ABHD18: variants seen among roughly 807,000 people sequenced by gnomAD.
The protein encoded by ABHD18 is abhydrolase domain containing 18.
In ABHD18, 55 loss-of-function variants were observed where a neutral mutation model predicts 65.9. The ratio of observed to expected loss-of-function variants is 0.84; its 90% CI spans 0.67 to 1.05. The LOEUF (loss-of-function observed/expected upper bound fraction) is 1.05, where lower values mean the gene tolerates loss of function less well. Ranked by LOEUF, ABHD18 falls within the 50% of genes least tolerant of loss-of-function variation. The probability of loss-of-function intolerance (pLI) is 0.00; values close to 1 mark genes in which losing one functional copy is unlikely to be tolerated. For missense variants in ABHD18, 533 were observed against 558.5 expected (o/e 0.95, Z 0.46); for synonymous variants, 181 against 180.2 (o/e 1.00, Z -0.04).
Position 128,028,603 on chromosome 4 carries a change from A to G in ABHD18, c.930A>G (p.Lys310=), listed in dbSNP as rs1560933988. ...LDISNQVVSQ[K]PADCHNSSKT... ...TATCAAACCAAGTTGTATCCCAAAA[A>G]CCTGCTGACTGCCATAATTCTAGCA... Residue 310 remains lysine, a synonymous_variant, in exon 11 of 13, where the codon AAA becomes AAG. Transcript: ENST00000645843. 2.5e-6 allele frequency: 4 copies of G among 1,613,884 alleles called. No homozygotes were observed. In the South Asian group the frequency reaches 4.4e-5, roughly 18 times the overall value.
intron 10 of ABHD18, among the ~76,000 whole-genome samples, chr4:128,027,484 C>T (rs1757548943): frequency 6.6e-6 from 1 of 151,958 alleles, no homozygotes; most frequent in South Asian, 2.1e-4. Context: ...CAGGTCACTG[C>T]AACCACTGCC....
At position 128,000,306 on chromosome 4, in the gene ABHD18, T is replaced by C. The variant is rs114256359; in HGVS notation, c.279-8614T>C. Among the ~76,000 whole-genome samples, 1,149 of 152,324 alleles carry C rather than the reference T, an allele frequency of 7.5e-3. 22 individuals are homozygous for C. The highest frequency in any genetic ancestry group is 0.026 in the African/African-American group (1,082 of 41,556). ...ATCTTGAGTTAATTTTTGTTTATGG[T>C]GAAAGGAATGGGTCCAATTTCAATC... On this transcript the variant is annotated intron_variant, in intron 4 of 12. Coordinates refer to ENST00000645843, the MANE Select transcript of ABHD18 (RefSeq NM_001358451.3).
intron 1 of ABHD18, among the ~76,000 whole-genome samples, chr4:127,981,972 T>TA (rs2149068679): frequency 6.6e-6 from 1 of 152,252 alleles, no homozygotes; most frequent in East Asian, 1.9e-4. Context: ...AAAATCAACT[T>TA]AAATGCCAGC....
intron 4 of ABHD18, among the ~76,000 whole-genome samples, chr4:127,994,609 C>T (rs1349800779): frequency 6.6e-6 from 1 of 152,014 alleles, no homozygotes. Context: ...AAAAAACAAA[C>T]AAAATGTCCA....
intron 1 of ABHD18, among the ~76,000 whole-genome samples, chr4:127,979,337 C>G (rs1464338098): frequency 2.6e-5 from 4 of 151,844 alleles, no homozygotes; most frequent in Non-Finnish European, 5.9e-5. Context: ...AGGTGGATCA[C>G]GAGGTCAGGA....
At chr4:128,019,354 C>G (rs75363136) in intron 8 of ABHD18, among the ~76,000 whole-genome samples, 2,098 of 152,312 alleles carry the variant, frequency 0.014, 54 homozygotes, top group African/African-American at 0.044. Context: ...CTCCCTCACT[C>G]CATTGGCCAT....
chr4:128,023,176 A>T (rs960051256), intron 10 of ABHD18, among the ~76,000 whole-genome samples: 3 of 152,076 alleles, frequency 2.0e-5, no homozygotes, highest in Admixed American at 1.3e-4. Context: ...TTTTATTTAT[A>T]ATTAAATCAC....
intron 3 of ABHD18, among the ~76,000 whole-genome samples, chr4:127,987,255 G>A (rs930697135): frequency 1.1e-4 from 17 of 152,028 alleles, no homozygotes; most frequent in Admixed American, 3.9e-4. Flanking sequence ...GGGAGGCGGA[G>A]GCAGGAGAAT....
At chr4:128,013,885 A>T (rs1021933491) in intron 7 of ABHD18, among the ~76,000 whole-genome samples, 1 of 152,026 alleles carries the variant, frequency 6.6e-6, no homozygotes, top group African/African-American at 2.4e-5. Context: ...AAACCGGTAT[A>T]CTATGAAGAA....
In ABHD18 at chr4:128,039,027, A is replaced by G. The variant is rs1029279771; in HGVS notation, c.*3214A>G. ...AAAATGGTGGCTTAAGTGTTCTCAA[A>G]TACATAAATATACACATATACGTAT... On this transcript the variant is annotated 3_prime_UTR_variant, in exon 13 of 13. Coordinates refer to ENST00000645843, the MANE Select transcript of ABHD18 (RefSeq NM_001358451.3). The G allele has an allele frequency of 6.6e-6, 1 of 150,976 alleles. No homozygotes were observed. The highest frequency in any genetic ancestry group is 6.6e-5 in the Admixed American group (1 of 15,134). 9.4% of individuals were successfully genotyped at this position (150,976 alleles called of 1,614,324 possible). A position where few individuals can be genotyped will look rare whatever the true frequency, so the allele number is the denominator to read the frequency against.
At chr4:127,999,078 A>T (rs895580308) in intron 4 of ABHD18, among the ~76,000 whole-genome samples, 23 of 151,558 alleles carry the variant, frequency 1.5e-4, no homozygotes, top group African/African-American at 5.1e-4. Context: ...ATATATTTTT[A>T]AAAAACATGA....
At chr4:128,011,395 G>T (rs889307118) in intron 6 of ABHD18, among the ~76,000 whole-genome samples, 1 of 151,312 alleles carries the variant, frequency 6.6e-6, no homozygotes, top group South Asian at 2.1e-4. Context: ...TGATCCGCCC[G>T]CCTTGGCCTC....
chr4:128,037,658 T>TTTAA lies in ABHD18; in HGVS notation c.*1849_*1852dup, dbSNP rs2149207301. The TTTAA allele has an allele frequency of 6.6e-6, 1 of 152,258 alleles. No individual in the cohort carries two copies. Among genetic ancestry groups the TTTAA allele is most frequent in the Non-Finnish European group, 1.5e-5 (1 of 68,022 alleles). The allele number at this position is 152,258 out of a possible 1,614,324, so 9.4% of individuals were successfully genotyped here. On this transcript the variant is annotated 3_prime_UTR_variant, in exon 13 of 13. Coordinates refer to ENST00000645843, the MANE Select transcript of ABHD18 (RefSeq NM_001358451.3). ...CGACCTGACATTTTATTTTTATTTT[T>TTTAA]TTAATTACATTTTTCTATATGCTTA...
At chr4:127,967,253 G>A (rs1343953766) in intron 1 of ABHD18, among the ~76,000 whole-genome samples, 3 of 151,766 alleles carry the variant, frequency 2.0e-5, no homozygotes, top group Non-Finnish European at 2.9e-5. Flanking sequence ...ATCCTCTGAG[G>A]GGGGAATTGT....
At chr4:128,013,977 C>CTTTTTT (rs61303818) in intron 7 of ABHD18, among the ~76,000 whole-genome samples, 23 of 115,114 alleles carry the variant, frequency 2.0e-4, no homozygotes, top group Admixed American at 2.9e-4. Flanking sequence ...GAATTTCCAC[C>CTTTTTT]TTTTTTTTTT....
chr4:127,984,281 G>C, intron 2 of ABHD18, 58 bp from the exon 3 acceptor site: 1 of 957,674 alleles, frequency 1.0e-6, no homozygotes. Context: ...ATTATAATGT[G>C]CTTAGTAGGT....
intron 10 of ABHD18, among the ~76,000 whole-genome samples, chr4:128,023,585 TA>T (rs751357932): frequency 3.7e-3 from 494 of 134,490 alleles, no homozygotes; most frequent in Non-Finnish European, 3.7e-3. Context: ...CCATTTCTCT[TA>T]AAAAAAAAAA....
chr4:128,003,968 A>G (rs986585757), intron 4 of ABHD18, among the ~76,000 whole-genome samples: 1 of 150,906 alleles, frequency 6.6e-6, no homozygotes, highest in African/African-American at 2.5e-5. Context: ...AAAAACAAAA[A>G]AAAACCAAAC....
chr4:127,969,305 G>A (rs1746278361), intron 1 of ABHD18, among the ~76,000 whole-genome samples: 1 of 151,476 alleles, frequency 6.6e-6, no homozygotes, highest in Admixed American at 6.6e-5. Flanking sequence ...AGGATCAAGG[G>A]ATTCACCTGC....
Sources: gnomAD v4.1 joint callset for allele counts (sites outside exome capture counted in the v4.1 genomes callset) on GRCh38, gnomAD v4.1.1 for gene constraint, MANE v1.5 for transcripts, NCBI Gene and HGNC (gene_info 2026-07-23, HGNC 2026-07-21) for gene names.